DOCK3: variants seen among roughly 807,000 people sequenced by gnomAD.
DOCK3 encodes dedicator of cytokinesis protein 3.
In DOCK3, 60 loss-of-function variants were observed where a neutral mutation model predicts 265.6. The observed-to-expected ratio is 0.23, with a 90% CI of 0.18 to 0.28. DOCK3 has a LOEUF of 0.28. Among genes scored for constraint, DOCK3 ranks in the 10% least tolerant of loss-of-function variants. The probability of loss-of-function intolerance (pLI) is 1.00; values close to 1 mark genes in which losing one functional copy is unlikely to be tolerated. For missense variants in DOCK3, 1,981 were observed against 2,594.3 expected, an observed-to-expected ratio of 0.76 and a Z score of 5.14; for synonymous variants, 881 against 938.0, an observed-to-expected ratio of 0.94 and a Z score of 1.11.
chr3:51,043,273 A>G (rs2080613726), intron 5 of DOCK3, among the ~76,000 whole-genome samples: 2 of 152,202 alleles, frequency 1.3e-5, no homozygotes, highest in Admixed American at 6.5e-5. Context: ...GAACACAGAA[A>G]TAAGACCGCA....
chr3:50,801,156 A>G (rs909447586), intron 2 of DOCK3, among the ~76,000 whole-genome samples: 4 of 152,148 alleles, frequency 2.6e-5, no homozygotes, highest in Admixed American at 6.6e-5. Flanking sequence ...GCACCCTCAC[A>G]GATGGAGCAA....
chr3:50,679,241 T>G (rs1233016949), intron 1 of DOCK3, among the ~76,000 whole-genome samples: 1 of 152,222 alleles, frequency 6.6e-6, no homozygotes, highest in Non-Finnish European at 1.5e-5. Flanking sequence ...CCCAAGTCAC[T>G]GGGATTATAC....
At chr3:50,815,845 A>G (rs1185598193) in intron 2 of DOCK3, among the ~76,000 whole-genome samples, 2 of 152,160 alleles carry the variant, frequency 1.3e-5, no homozygotes, top group African/African-American at 2.4e-5. Context: ...ACAAAATGGA[A>G]TGAGAGCTCC....
At chr3:51,222,470 T>G (rs963781801) in intron 14 of DOCK3, among the ~76,000 whole-genome samples, 1 of 152,222 alleles carries the variant, frequency 6.6e-6, no homozygotes, top group Non-Finnish European at 1.5e-5. Context: ...CGTGGAGAGC[T>G]TGATTGAAGT....
At chr3:50,719,708 C>T (rs2108004616) in intron 1 of DOCK3, 1 of 1,455,198 alleles carries the variant, frequency 6.9e-7, no homozygotes, top group South Asian at 1.1e-5. Flanking sequence ...TTGTATGCTT[C>T]AGAGTGAAGT....
chr3:50,796,720 G>A (rs2042806245), intron 2 of DOCK3, among the ~76,000 whole-genome samples: 1 of 152,040 alleles, frequency 6.6e-6, no homozygotes, highest in Admixed American at 6.6e-5. Flanking sequence ...ATCTTTGTGG[G>A]CTGATGTTTT....
intron 14 of DOCK3, among the ~76,000 whole-genome samples, chr3:51,220,060 T>TA (rs1230373356): frequency 2.0e-5 from 3 of 152,188 alleles, no homozygotes; most frequent in African/African-American, 7.2e-5. Context: ...CTGGGTACTC[T>TA]AAAGAAGTCC....
At chr3:50,955,302 A>T (rs1197802478) in intron 5 of DOCK3, among the ~76,000 whole-genome samples, 4 of 152,176 alleles carry the variant, frequency 2.6e-5, no homozygotes, top group Non-Finnish European at 4.4e-5. Flanking sequence ...TAAAAACAGA[A>T]CTACTATTTA....
intron 12 of DOCK3, among the ~76,000 whole-genome samples, chr3:51,201,683 C>T (rs2088784080): frequency 6.6e-6 from 1 of 152,188 alleles, no homozygotes; most frequent in Non-Finnish European, 1.5e-5. Flanking sequence ...TAATAGACAT[C>T]TACAGAACTC....
chr3:50,814,821 CT>C (rs547975486), intron 2 of DOCK3, among the ~76,000 whole-genome samples: 2 of 151,786 alleles, frequency 1.3e-5, no homozygotes, highest in African/African-American at 4.8e-5. Context: ...CTATTTCTTA[CT>C]TTTTTTCATT....
chr3:51,063,468 T>C (rs1183716988), intron 5 of DOCK3, among the ~76,000 whole-genome samples: 1 of 152,222 alleles, frequency 6.6e-6, no homozygotes, highest in Admixed American at 6.5e-5. Context: ...TACTGTTTTG[T>C]GATTTGCTGT....
intron 3 of DOCK3, among the ~76,000 whole-genome samples, chr3:50,889,023 G>A (rs191815412): frequency 4.6e-5 from 7 of 151,348 alleles, no homozygotes; most frequent in Admixed American, 4.0e-4. Flanking sequence ...GTGATTATTG[G>A]TGGTAGTGTG....
chr3:51,350,297 G>T lies in DOCK3; in HGVS notation c.4012G>T (p.Ala1338Ser). The change falls in exon 40 of 53, where the codon GCC becomes TCC. Residue 1338 changes from alanine (A) to serine (S), a missense_variant. Physicochemically the swap from Ala to Ser is moderately conservative, Grantham distance 99 (BLOSUM62 1). Transcript: ENST00000266037. ...CCTTTCTCATTCACAGAAAATGGAG[G>T]CCAGCTACTATGACAACATTATGGA... Reference protein sequence around the residue: ...QSLSWIRKMEASYYDNIMEQQ... With the variant: ...QSLSWIRKMESSYYDNIMEQQ... 1 of 1,600,928 alleles carries T rather than the reference G, an allele frequency of 6.2e-7. No individual in the cohort carries two copies. Among genetic ancestry groups the T allele is most frequent in the Admixed American group, 1.8e-5 (1 of 55,810 alleles).
In DOCK3 at chr3:51,059,361, G is replaced by A. The variant is rs780882946; in HGVS notation, c.316-5087G>A. Among the ~76,000 whole-genome samples, 6 of 151,806 alleles carry A rather than the reference G, an allele frequency of 4.0e-5. 1 individual carries two copies. Among genetic ancestry groups the A allele is most frequent in the Non-Finnish European group, 8.8e-5 (6 of 67,978 alleles). ...TTCAATGTATGAATTTATTGAGGGGGAAATGCAGACATTTGGACCATAGCA... is the reference window on the plus strand; with the variant it reads ...TTCAATGTATGAATTTATTGAGGGGAAAATGCAGACATTTGGACCATAGCA... On this transcript the variant is annotated intron_variant, in intron 5 of 52. Transcript: ENST00000266037.
In DOCK3 at chr3:51,322,373, T is replaced by G. The variant is rs183894315; in HGVS notation, c.3402+7245T>G. Among the ~76,000 whole-genome samples, 357 of 152,176 alleles carry G rather than the reference T, an allele frequency of 2.3e-3. 1 individual carries two copies. The highest frequency in any genetic ancestry group is 8.8e-3 in the Admixed American group (134 of 15,278). On this transcript the variant is annotated intron_variant, in intron 32 of 52. Transcript: ENST00000266037. Reference sequence around the variant, plus strand: ...GCCTGCCACTATGCCCGGCTAATTTTTTTGTATTTTTAGCAGAGACGGAGT... The same window carrying G: ...GCCTGCCACTATGCCCGGCTAATTTGTTTGTATTTTTAGCAGAGACGGAGT...
intron 1 of DOCK3, among the ~76,000 whole-genome samples, chr3:50,697,318 G>A (rs2035693575): frequency 6.6e-6 from 1 of 152,108 alleles, no homozygotes; most frequent in African/African-American, 2.4e-5. Flanking sequence ...GTCTGGGCAT[G>A]GTGACTCATG....
At chr3:51,352,214 T>C (rs2086041378) in intron 40 of DOCK3, among the ~76,000 whole-genome samples, 1 of 152,236 alleles carries the variant, frequency 6.6e-6, no homozygotes, top group African/African-American at 2.4e-5. Context: ...TTTTATCTTT[T>C]CAAATTATGC....
intron 10 of DOCK3, among the ~76,000 whole-genome samples, chr3:51,152,750 G>T (rs1472642490): frequency 6.6e-6 from 1 of 152,214 alleles, no homozygotes; most frequent in Non-Finnish European, 1.5e-5. Flanking sequence ...TAACAGTCAA[G>T]TCCCTCTGCT....
chr3:50,786,148 T>A (rs1314868022), intron 2 of DOCK3, among the ~76,000 whole-genome samples: 1 of 152,190 alleles, frequency 6.6e-6, no homozygotes, highest in Non-Finnish European at 1.5e-5. Context: ...GTATTGCTTG[T>A]AATATCTCTT....
Sources: gnomAD v4.1 joint callset for allele counts (sites outside exome capture counted in the v4.1 genomes callset) on GRCh38, gnomAD v4.1.1 for gene constraint, MANE v1.5 for transcripts, NCBI Gene and HGNC (gene_info 2026-07-23, HGNC 2026-07-21) for gene names.